Variants in MDGA2 observed in about 807,000 individuals in gnomAD.
MDGA2 encodes MAM domain containing glycosylphosphatidylinositol anchor 2, also known as MAM domain-containing glycosylphosphatidylinositol anchor protein 2.
In MDGA2, 40 loss-of-function variants were observed where a neutral mutation model predicts 117.8. That is an observed-to-expected ratio of 0.34 (90% CI 0.26 to 0.44). The LOEUF (loss-of-function observed/expected upper bound fraction) is 0.44. Ranked by LOEUF, MDGA2 falls within the 20% of genes least tolerant of loss-of-function variation. The probability of loss-of-function intolerance (pLI) is 1.00; values close to 1 mark genes in which losing one functional copy is unlikely to be tolerated. For synonymous variants in MDGA2, 452 were observed against 439.0 expected, an observed-to-expected ratio of 1.03 and a Z score of -0.37; for missense variants, 1,123 against 1,250.6, an observed-to-expected ratio of 0.90 and a Z score of 1.54.
chr14:47,252,487 C>A (rs1192524912), intron 2 of MDGA2, among the ~76,000 whole-genome samples: 1 of 152,004 alleles, frequency 6.6e-6, no homozygotes. Flanking sequence ...TTTTCATAAT[C>A]TAGTAAGCTC....
At chr14:47,631,046 A>T (rs1490119144) in intron 1 of MDGA2, among the ~76,000 whole-genome samples, 1 of 152,176 alleles carries the variant, frequency 6.6e-6, no homozygotes, top group Non-Finnish European at 1.5e-5. Flanking sequence ...ATAGGTAAAA[A>T]ATCCTCTTAA....
chr14:46,894,494 A>C (rs1290445310), intron 10 of MDGA2, among the ~76,000 whole-genome samples: 1 of 152,126 alleles, frequency 6.6e-6, no homozygotes, highest in Non-Finnish European at 1.5e-5. Context: ...GAAGATAACA[A>C]ATCTAGCTTT....
intron 8 of MDGA2, among the ~76,000 whole-genome samples, chr14:46,960,078 C>T (rs1243384226): frequency 2.6e-5 from 4 of 151,872 alleles, no homozygotes; most frequent in African/African-American, 9.7e-5. Context: ...AAAAATTAGC[C>T]GGGCATGTGG....
At chr14:47,059,102 T>C in intron 7 of MDGA2, 2 of 1,062,402 alleles carry the variant, frequency 1.9e-6, no homozygotes, top group Non-Finnish European at 2.3e-6. Flanking sequence ...CAAATGTCTA[T>C]ATTATAGAGA....
intron 1 of MDGA2, among the ~76,000 whole-genome samples, chr14:47,338,508 A>G (rs556849659): frequency 7.8e-4 from 119 of 152,126 alleles, no homozygotes; most frequent in African/African-American, 2.5e-3. Flanking sequence ...CACATTATCA[A>G]TCCAGCTGTA....
chr14:46,878,147 A>AT (rs553895713), intron 11 of MDGA2, among the ~76,000 whole-genome samples: 1 of 151,814 alleles, frequency 6.6e-6, no homozygotes, highest in African/African-American at 2.4e-5. Flanking sequence ...TACCAAAAGA[A>AT]TTTTTTTTCC....
intron 13 of MDGA2, chr14:46,873,805 G>GAGCAAA (rs1882114025): frequency 1.7e-6 from 1 of 578,564 alleles, no homozygotes. Flanking sequence ...TGTATAAAAA[G>GAGCAAA]TTGAAATTTA....
chr14:46,958,696 A>G (rs1235696532), intron 8 of MDGA2, among the ~76,000 whole-genome samples: 3 of 152,228 alleles, frequency 2.0e-5, no homozygotes, highest in African/African-American at 7.2e-5. Flanking sequence ...TGTCCATTTC[A>G]TGCACCTGTC....
intron 2 of MDGA2, among the ~76,000 whole-genome samples, chr14:47,272,682 C>T (rs76112940): frequency 0.031 from 4,717 of 152,152 alleles, 167 homozygotes; most frequent in East Asian, 0.18. Context: ...CAAGTTTTTT[C>T]CCAAGGAAAC....
chr14:47,456,368 C>T (rs1018761983), intron 1 of MDGA2, among the ~76,000 whole-genome samples: 5 of 151,244 alleles, frequency 3.3e-5, no homozygotes, highest in African/African-American at 1.2e-4. Flanking sequence ...TCTCGACTCA[C>T]CGCAACCTCT....
intron 15 of MDGA2, among the ~76,000 whole-genome samples, chr14:46,849,920 A>G (rs1046318107): frequency 2.0e-5 from 3 of 151,822 alleles, no homozygotes; most frequent in African/African-American, 7.2e-5. Context: ...GCAACTAGGT[A>G]CCCATGGAGA....
chr14:47,160,450 T>A (rs1200881637), intron 3 of MDGA2, among the ~76,000 whole-genome samples: 1 of 152,158 alleles, frequency 6.6e-6, no homozygotes, highest in Non-Finnish European at 1.5e-5. Flanking sequence ...TCCCAGCACT[T>A]TGGCTAGGAT....
At chr14:47,395,047 C>G (rs1045384120) in intron 1 of MDGA2, among the ~76,000 whole-genome samples, 4 of 151,980 alleles carry the variant, frequency 2.6e-5, no homozygotes, top group African/African-American at 9.7e-5. Flanking sequence ...CCCAGTTACT[C>G]AGGAGGCTGA....
chr14:47,175,630 C>G (rs569560467), intron 3 of MDGA2, among the ~76,000 whole-genome samples: 404 of 151,248 alleles, frequency 2.7e-3, no homozygotes, highest in African/African-American at 9.3e-3. Flanking sequence ...CAATAAATTA[C>G]ATATTGATGG....
At chr14:47,155,807 C>T (rs1361767430) in intron 3 of MDGA2, among the ~76,000 whole-genome samples, 1 of 150,206 alleles carries the variant, frequency 6.7e-6, no homozygotes, top group Admixed American at 6.7e-5. Flanking sequence ...AGGTTTCTGG[C>T]TGGCAAAGCG....
In MDGA2 at chr14:47,279,658, T is replaced by TA. The variant is rs1272040756; in HGVS notation, c.420+21752dup. Among the ~76,000 whole-genome samples, 158 of 150,138 alleles carry TA rather than the reference T, an allele frequency of 1.1e-3. 2 individuals carry two copies. The East Asian group carries it at 0.023, about 22-fold the overall frequency. On this transcript the variant is annotated intron_variant, in intron 2 of 16. Coordinates refer to ENST00000399232, the MANE Select transcript of MDGA2 (RefSeq NM_001113498.3). The stretch of plus-strand genomic sequence containing the variant: ...GGCTTCCCTATCCTGTGATTTTTTT[T>TA]AAAAAAAAATCATGTTTTCCTCTAG...
Position 47,480,383 on chromosome 14 carries a change from G to A in MDGA2, c.281-178833C>T, listed in dbSNP as rs939269765. 2.0e-5 allele frequency among the ~76,000 whole-genome samples: 3 copies of A among 151,892 alleles called. No individual in the cohort carries two copies. In the East Asian group the frequency reaches 5.8e-4, roughly 29 times the overall value. On this transcript the variant is annotated intron_variant, in intron 1 of 16. Coordinates refer to ENST00000399232, the MANE Select transcript of MDGA2 (RefSeq NM_001113498.3). The stretch of plus-strand genomic sequence containing the variant: ...CTAGCATGTCTTCTAAGCCTAAGCA[G>A]CAATAATACTATAAAAGTAATACTT...
chr14:47,420,397 T>A (rs896854397), intron 1 of MDGA2, among the ~76,000 whole-genome samples: 3 of 152,144 alleles, frequency 2.0e-5, no homozygotes, highest in African/African-American at 7.2e-5. Flanking sequence ...CTGTTGTAAT[T>A]CCAATAAATT....
intron 1 of MDGA2, among the ~76,000 whole-genome samples, chr14:47,630,013 G>A (rs1209580056): frequency 1.2e-4 from 18 of 151,846 alleles, no homozygotes; most frequent in Admixed American, 1.2e-3. Flanking sequence ...TAAAAGCAAG[G>A]TATAAAAACA....
Sources: gnomAD v4.1 joint callset for allele counts (sites outside exome capture counted in the v4.1 genomes callset) on GRCh38, gnomAD v4.1.1 for gene constraint, MANE v1.5 for transcripts, NCBI Gene and HGNC (gene_info 2026-07-23, HGNC 2026-07-21) for gene names.